The following SNTG1 variants were observed in gnomAD, a reference collection of about 807,000 sequenced individuals.
SNTG1 encodes syntrophin gamma 1.
A neutral mutation model predicts 74.7 loss-of-function variants in SNTG1; 39 were observed. The observed-to-expected ratio is 0.52, with a 90% CI of 0.40 to 0.68. The LOEUF (loss-of-function observed/expected upper bound fraction) is 0.68, where lower values mean the gene tolerates loss of function less well. Ranked by LOEUF, SNTG1 falls within the 30% of genes least tolerant of loss-of-function variation. The pLI, the probability that SNTG1 is intolerant of heterozygous loss-of-function variation, is 0.00. For synonymous variants in SNTG1, 254 were observed against 217.1 expected, an observed-to-expected ratio of 1.17 and a Z score of -1.49; for missense variants, 685 against 609.5, an observed-to-expected ratio of 1.12 and a Z score of -1.30.
intron 17 of SNTG1, among the ~76,000 whole-genome samples, chr8:50,745,001 C>A (rs1045004722): frequency 3.3e-5 from 5 of 151,934 alleles, no homozygotes; most frequent in Admixed American, 3.3e-4. Context: ...GCAATAATTT[C>A]TTTGCTATGA....
At chr8:50,435,037 A>G (rs1216140869) in intron 4 of SNTG1, among the ~76,000 whole-genome samples, 1 of 152,078 alleles carries the variant, frequency 6.6e-6, no homozygotes, top group African/African-American at 2.4e-5. Flanking sequence ...AGTTCATACA[A>G]TCTTTCTCTA....
chr8:50,491,694 C>CTTATTTATTTATTTAT (rs113358818), intron 8 of SNTG1, among the ~76,000 whole-genome samples: 13 of 150,406 alleles, frequency 8.6e-5, no homozygotes, highest in Admixed American at 3.3e-4. Flanking sequence ...TGATCCAGAA[C>CTTATTTATTTATTTAT]TTATTTATTT....
chr8:50,762,702 G>C, intron 18 of SNTG1: 1 of 483,666 alleles, frequency 2.1e-6, no homozygotes, highest in South Asian at 1.5e-5. Context: ...AGACCATGGA[G>C]ATTAGGCCCA....
intron 9 of SNTG1, among the ~76,000 whole-genome samples, chr8:50,522,688 C>T (rs141237966): frequency 2.6e-5 from 4 of 151,356 alleles, no homozygotes; most frequent in African/African-American, 7.3e-5. Flanking sequence ...AAGCAATTCT[C>T]CTGCCACAAC....
intron 18 of SNTG1, among the ~76,000 whole-genome samples, chr8:50,766,458 T>C (rs1047980555): frequency 6.6e-6 from 1 of 152,026 alleles, no homozygotes; most frequent in Non-Finnish European, 1.5e-5. Flanking sequence ...GCTTAATAGC[T>C]ATTTGCGTGT....
At chr8:50,250,858 C>T (rs1271905950) in intron 2 of SNTG1, among the ~76,000 whole-genome samples, 1 of 151,944 alleles carries the variant, frequency 6.6e-6, no homozygotes, top group Middle Eastern at 3.4e-3. Flanking sequence ...AAAAAGGAAA[C>T]AAAAGGATAA....
intron 1 of SNTG1, among the ~76,000 whole-genome samples, chr8:50,115,233 A>T (rs997494297): frequency 6.6e-6 from 1 of 151,970 alleles, no homozygotes; most frequent in Non-Finnish European, 1.5e-5. Flanking sequence ...ATGGTGATTA[A>T]ATTCTACTAA....
chr8:50,498,449 C>T (rs144679479), intron 8 of SNTG1, among the ~76,000 whole-genome samples: 90 of 151,702 alleles, frequency 5.9e-4, no homozygotes, highest in Non-Finnish European at 8.3e-4. Flanking sequence ...TTTTATTAGG[C>T]GTTTGTATTA....
chr8:49,953,144 C>T (rs1809870742), intron 1 of SNTG1, among the ~76,000 whole-genome samples: 1 of 152,010 alleles, frequency 6.6e-6, no homozygotes, highest in African/African-American at 2.4e-5. Flanking sequence ...AGATTAAAGT[C>T]CAGGAATGAC....
chr8:49,980,521 C>CAAAAAAAAAAAAAAAAAAAA (rs565561398), intron 1 of SNTG1, among the ~76,000 whole-genome samples: 3 of 53,840 alleles, frequency 5.6e-5, no homozygotes, highest in Admixed American at 3.1e-4. Flanking sequence ...GACTCCTTCG[C>CAAAAAAAAAAAAAAAAAAAA]AAAAAAAAAA....
chr8:50,107,876 G>T (rs756414127), intron 1 of SNTG1, among the ~76,000 whole-genome samples: 5 of 152,030 alleles, frequency 3.3e-5, no homozygotes, highest in Admixed American at 6.6e-5. Flanking sequence ...TAACAAGAGC[G>T]AATCACTAAG....
intron 1 of SNTG1, among the ~76,000 whole-genome samples, chr8:49,955,854 A>G (rs318886): frequency 0.015 from 2,257 of 152,286 alleles, 63 homozygotes; most frequent in African/African-American, 0.052. Flanking sequence ...AGCTTTTCTC[A>G]GGCTTGTCGA....
At chr8:50,162,799 A>G (rs896820794) in intron 1 of SNTG1, among the ~76,000 whole-genome samples, 2 of 152,006 alleles carry the variant, frequency 1.3e-5, no homozygotes, top group Non-Finnish European at 2.9e-5. Flanking sequence ...TGCTCCTGCC[A>G]TCTGCTCCCA....
chr8:50,558,256 A>C (rs2094467764), intron 12 of SNTG1, among the ~76,000 whole-genome samples: 1 of 152,150 alleles, frequency 6.6e-6, no homozygotes, highest in Non-Finnish European at 1.5e-5. Flanking sequence ...CTGCATGGCC[A>C]GGGGGGCCTT....
chr8:50,242,802 T>C (rs1309465024), intron 2 of SNTG1, among the ~76,000 whole-genome samples: 2 of 150,626 alleles, frequency 1.3e-5, no homozygotes, highest in African/African-American at 2.4e-5. Flanking sequence ...ATATTATCTA[T>C]TTAAAGAAAA....
intron 1 of SNTG1, among the ~76,000 whole-genome samples, chr8:50,062,781 G>T (rs1820588249): frequency 6.6e-6 from 1 of 152,088 alleles, no homozygotes; most frequent in South Asian, 2.1e-4. Context: ...TTTACATATT[G>T]TAAGACTGAG....
chr8:50,305,937 G>A (rs1389218530), intron 2 of SNTG1, among the ~76,000 whole-genome samples: 1 of 151,128 alleles, frequency 6.6e-6, no homozygotes. Flanking sequence ...AGCTTTGGGG[G>A]TACAAAGGGT....
intron 1 of SNTG1, among the ~76,000 whole-genome samples, chr8:49,943,311 T>A (rs895263367): frequency 1.3e-5 from 2 of 152,244 alleles, no homozygotes; most frequent in Admixed American, 1.3e-4. Flanking sequence ...ACTGGCCAAT[T>A]AAAGAAAGAA....
intron 1 of SNTG1, among the ~76,000 whole-genome samples, chr8:50,077,257 G>C (rs913944095): frequency 3.3e-5 from 5 of 152,006 alleles, no homozygotes; most frequent in Non-Finnish European, 7.4e-5. Context: ...AAATCTGGTT[G>C]GCAGATATTT....
Sources: allele counts gnomAD v4.1 joint callset (sites outside exome capture counted in the v4.1 genomes callset), GRCh38; gene constraint gnomAD v4.1.1; transcripts MANE v1.5; gene names NCBI Gene and HGNC (gene_info 2026-07-23, HGNC 2026-07-21).